Variants in NF2 observed in about 807,000 individuals in gnomAD.
NF2 encodes the protein NF2, moesin-ezrin-radixin like (MERLIN) tumor suppressor, also known as merlin.
A neutral mutation model predicts 83.7 loss-of-function variants in NF2; 8 were observed. The ratio of observed to expected loss-of-function variants is 0.10; its 90% CI spans 0.06 to 0.17. NF2 has a LOEUF of 0.17. Ranked by LOEUF, NF2 falls within the 10% of genes least tolerant of loss-of-function variation. The pLI is 1.00. For synonymous variants in NF2, 266 were observed against 269.6 expected, an observed-to-expected ratio of 0.99 and a Z score of 0.13; for missense variants, 533 against 744.4, an observed-to-expected ratio of 0.72 and a Z score of 3.31.
chr22:29,665,185 C>A, intron 9 of NF2, 121 bp downstream of exon 9: 1 of 803,928 alleles, frequency 1.2e-6, no homozygotes, highest in Non-Finnish European at 2.1e-6. Context: ...TCACTTGGCG[C>A]ATACTTTCTG....
chr22:29,688,750 A>T (rs737931), intron 15 of NF2, among the ~76,000 whole-genome samples: 46,273 of 152,138 alleles, frequency 0.3, 7,399 homozygotes, highest in Non-Finnish European at 0.36. Flanking sequence ...GTCGCTAATA[A>T]CAAATTGGAT....
chr22:29,694,477 T>C lies in NF2; in HGVS notation c.1738-275T>C, dbSNP rs549028113. On this transcript the variant is annotated intron_variant, in intron 15 of 15. Transcript: ENST00000338641. This position sits in a 1 kb window ranked among gnomAD's most constrained non-coding sequence, Gnocchi z 4.1. ...AAATAGGCAGGGATCTCCGGTCCTCTGTCAAGAGGCAATGCTGACGGCTTT... is the reference window on the plus strand; with the variant it reads ...AAATAGGCAGGGATCTCCGGTCCTCCGTCAAGAGGCAATGCTGACGGCTTT... Among the ~76,000 whole-genome samples, 4 of 152,340 alleles carry C rather than the reference T, an allele frequency of 2.6e-5. No homozygotes were observed. Among genetic ancestry groups the C allele is most frequent in the Admixed American group, 2.6e-4 (4 of 15,304 alleles).
At chr22:29,648,444 T>C (rs1261231929) in intron 4 of NF2, among the ~76,000 whole-genome samples, 2 of 152,150 alleles carry the variant, frequency 1.3e-5, no homozygotes, top group Admixed American at 1.3e-4. Context: ...AACTGCATTG[T>C]TGGTGCTCAT....
chr22:29,688,333 C>A (rs939969531), intron 15 of NF2, among the ~76,000 whole-genome samples: 3 of 152,204 alleles, frequency 2.0e-5, no homozygotes, highest in Non-Finnish European at 2.9e-5. Flanking sequence ...CAGCTCTCCT[C>A]GGCACCGGAT....
intron 1 of NF2, among the ~76,000 whole-genome samples, chr22:29,629,013 C>T (rs959085512): frequency 6.6e-6 from 1 of 152,124 alleles, no homozygotes; most frequent in African/African-American, 2.4e-5. Flanking sequence ...AAGTCTCTCT[C>T]TCTCCCCACT....
At chr22:29,644,078 C>T (rs1309555129) in intron 4 of NF2, among the ~76,000 whole-genome samples, 2 of 151,954 alleles carry the variant, frequency 1.3e-5, no homozygotes, top group African/African-American at 4.8e-5. Flanking sequence ...CTCCTCACTT[C>T]CCAGACGGGG....
At chr22:29,685,877 G>A (rs900711086) in intron 15 of NF2, among the ~76,000 whole-genome samples, 21 of 152,168 alleles carry the variant, frequency 1.4e-4, no homozygotes, top group South Asian at 6.2e-4. Context: ...AATGCTGAGC[G>A]GCCATCCAGT....
At chr22:29,632,751 T>C (rs747872156) in intron 1 of NF2, among the ~76,000 whole-genome samples, 2 of 152,164 alleles carry the variant, frequency 1.3e-5, no homozygotes, top group African/African-American at 4.8e-5. Context: ...TTGTTTGCCA[T>C]GTCTTGTATG....
In NF2 at chr22:29,612,171, C is replaced by G. The variant is rs1272923766; in HGVS notation, c.114+8059C>G. Among the ~76,000 whole-genome samples, 3 of 152,178 alleles carry G rather than the reference C, an allele frequency of 2.0e-5. No individual in the cohort carries two copies. In the East Asian group the frequency reaches 5.8e-4, roughly 29 times the overall value. On this transcript the variant is annotated intron_variant, in intron 1 of 15. Transcript: ENST00000338641. ...TACAGGTGTGCACCACCATGCCTGG[C>G]TAATTTTTGTATTTTTAGTATAGAG... is the stretch of plus-strand genomic sequence containing the variant.
Position 29,673,498 on chromosome 22 carries a change from C to T in NF2, c.1340+12C>T, listed in dbSNP as rs1402426338. ...GAGTCAGAGAGGAGGTGAGGGGGCA[C>T]CGGGCACCAGACTGGCGAGGAGGCT... is the stretch of plus-strand genomic sequence containing the variant. On this transcript the variant is annotated intron_variant, in intron 12 of 15. Coordinates refer to ENST00000338641, the MANE Select transcript of NF2 (RefSeq NM_000268.4). The T allele has an allele frequency of 6.2e-7, 1 of 1,601,184 alleles. No individual in the cohort carries two copies. The highest frequency in any genetic ancestry group is 1.1e-5 in the South Asian group (1 of 88,324).
At chr22:29,621,753 T>C (rs1189712469) in intron 1 of NF2, among the ~76,000 whole-genome samples, 1 of 152,170 alleles carries the variant, frequency 6.6e-6, no homozygotes, top group African/African-American at 2.4e-5. Context: ...TTTCTCAGCC[T>C]CTCCTCCACT....
chr22:29,656,209 G>A (rs1390769647), intron 6 of NF2, among the ~76,000 whole-genome samples: 1 of 151,928 alleles, frequency 6.6e-6, no homozygotes, highest in Admixed American at 6.6e-5. Context: ...CAAAGTGTTG[G>A]GATTAGAGGC....
chr22:29,684,720 G>T (rs756726749), intron 15 of NF2, among the ~76,000 whole-genome samples: 3 of 152,058 alleles, frequency 2.0e-5, no homozygotes, highest in Non-Finnish European at 4.4e-5. Flanking sequence ...GTTAATCAAG[G>T]GTTAATAAAA....
At chr22:29,607,572 A>G (rs1251545372) in intron 1 of NF2, among the ~76,000 whole-genome samples, 1 of 152,208 alleles carries the variant, frequency 6.6e-6, no homozygotes, top group Non-Finnish European at 1.5e-5. Context: ...TTGCTACAGT[A>G]TATTATCTAA....
intron 1 of NF2, among the ~76,000 whole-genome samples, chr22:29,608,653 A>G (rs1007769071): frequency 4.7e-5 from 7 of 149,722 alleles, no homozygotes; most frequent in Non-Finnish European, 7.4e-5. Flanking sequence ...TGGGTGACAG[A>G]GCGAGACTCC....
At chr22:29,605,991 G>C (rs188450318) in intron 1 of NF2, among the ~76,000 whole-genome samples, 1 of 152,208 alleles carries the variant, frequency 6.6e-6, no homozygotes, top group East Asian at 1.9e-4. Context: ...TTTTGCTCTT[G>C]TTGCTCAAAC....
intron 14 of NF2, among the ~76,000 whole-genome samples, chr22:29,678,815 A>T (rs2530676): frequency 6.6e-6 from 1 of 152,150 alleles, no homozygotes; most frequent in Non-Finnish European, 1.5e-5. Flanking sequence ...AGTGGGTGGC[A>T]CTGGGCAGGG....
intron 15 of NF2, among the ~76,000 whole-genome samples, chr22:29,691,562 T>C (rs2067404276): frequency 6.6e-6 from 1 of 152,260 alleles, no homozygotes; most frequent in South Asian, 2.1e-4. Context: ...GTTTATTTTA[T>C]GAAGGGCTAG....
In NF2 at chr22:29,694,344, C is replaced by T. The variant is rs1460084973; in HGVS notation, c.1738-408C>T. ...CAGGGCATGAGGACTAAGATGCTTG[C>T]CCTGCCAAGCCCGGAGGGGATGAGC... On this transcript the variant is annotated intron_variant, in intron 15 of 15. Coordinates refer to ENST00000338641, the MANE Select transcript of NF2 (RefSeq NM_000268.4). This position sits in a 1 kb window ranked among gnomAD's most constrained non-coding sequence, Gnocchi z 4.1. Among the ~76,000 whole-genome samples, 3 of 152,226 alleles carry T rather than the reference C, an allele frequency of 2.0e-5. No individual in the cohort carries two copies. Among genetic ancestry groups the T allele is most frequent in the Non-Finnish European group, 4.4e-5 (3 of 68,046 alleles).
Sources: allele counts gnomAD v4.1 joint callset (sites outside exome capture counted in the v4.1 genomes callset), GRCh38; gene constraint gnomAD v4.1.1; non-coding constraint Gnocchi (gnomAD v3.1); transcripts MANE v1.5; gene names NCBI Gene and HGNC (gene_info 2026-07-23, HGNC 2026-07-21).